The following NLGN1 variants were observed in gnomAD, a reference collection of about 807,000 sequenced individuals.
NLGN1 encodes the protein neuroligin-1.
Under a neutral mutation model 65.5 loss-of-function variants are expected in NLGN1, and 12 were observed. The observed-to-expected ratio is 0.18, with a 90% CI of 0.12 to 0.30. The LOEUF (loss-of-function observed/expected upper bound fraction) is 0.30. Among genes scored for constraint, NLGN1 ranks in the 10% least tolerant of loss-of-function variants. The pLI, the probability that NLGN1 is intolerant of heterozygous loss-of-function variation, is 1.00. For synonymous variants in NLGN1, 350 were observed against 359.5 expected (o/e 0.97, Z 0.30); for missense variants, 750 against 1,007.1 (o/e 0.74, Z 3.46).
chr3:173,910,714 G>T (rs995391118), intron 4 of NLGN1: 1 of 152,110 alleles, frequency 6.6e-6, no homozygotes, highest in Non-Finnish European at 1.5e-5. Flanking sequence ...GAGGAAAAGA[G>T]AAACAAAATT....
intron 4 of NLGN1, among the ~76,000 whole-genome samples, chr3:174,082,007 T>G (rs1742338619): frequency 6.6e-6 from 1 of 152,224 alleles, no homozygotes; most frequent in African/African-American, 2.4e-5. Context: ...GATTCCAATG[T>G]GAGCCATTTA....
chr3:173,616,918 A>G (rs923360578), intron 3 of NLGN1, among the ~76,000 whole-genome samples: 8 of 152,222 alleles, frequency 5.3e-5, no homozygotes, highest in African/African-American at 1.4e-4. Flanking sequence ...ACTCCCTACT[A>G]TCGCCTAGAA....
chr3:173,925,013 G>A (rs1742759081), intron 4 of NLGN1, among the ~76,000 whole-genome samples: 1 of 151,856 alleles, frequency 6.6e-6, no homozygotes, highest in African/African-American at 2.4e-5. Flanking sequence ...ATTTTCTTTG[G>A]CATCTTGATA....
intron 4 of NLGN1, among the ~76,000 whole-genome samples, chr3:173,989,306 C>G (rs149084721): frequency 6.6e-6 from 1 of 152,264 alleles, no homozygotes; most frequent in African/African-American, 2.4e-5. Flanking sequence ...TAATCCTTAG[C>G]TAAGAGACCT....
At chr3:174,146,616 G>A (rs1723327247) in intron 4 of NLGN1, among the ~76,000 whole-genome samples, 1 of 150,336 alleles carries the variant, frequency 6.7e-6, no homozygotes, top group African/African-American at 2.5e-5. Context: ...TGCCCAGGCT[G>A]GAGTTCAGTG....
chr3:174,218,977 G>A (rs1738145545), intron 4 of NLGN1, among the ~76,000 whole-genome samples: 1 of 152,120 alleles, frequency 6.6e-6, no homozygotes, highest in South Asian at 2.1e-4. Context: ...TGTTCAGCTG[G>A]TGATTCATTA....
intron 3 of NLGN1, among the ~76,000 whole-genome samples, chr3:173,691,186 C>A (rs986852052): frequency 6.6e-6 from 1 of 152,074 alleles, no homozygotes; most frequent in East Asian, 1.9e-4. Context: ...TTTGCTCATG[C>A]TGTTTTCCCA....
rs1719095541 is a variant in NLGN1, at chr3:173,982,979, A to G, written c.646+175147A>G. Among the ~76,000 whole-genome samples, 4 of 152,200 alleles carry G rather than the reference A, an allele frequency of 2.6e-5. No individual in the cohort carries two copies. The South Asian group carries it at 8.3e-4, about 32-fold the overall frequency. On this transcript the variant is annotated intron_variant, in intron 4 of 6. Coordinates refer to ENST00000457714, the Ensembl canonical transcript of NLGN1. Reference sequence around the variant, plus strand: ...AAAGATCATAGATAGAATGAGTATGATAGAGTTCCACATTTTTTCTCATAA... The same window carrying G: ...AAAGATCATAGATAGAATGAGTATGGTAGAGTTCCACATTTTTTCTCATAA...
intron 1 of NLGN1, among the ~76,000 whole-genome samples, chr3:173,426,565 T>C (rs1577398107): frequency 6.6e-6 from 1 of 152,158 alleles, no homozygotes; most frequent in South Asian, 2.1e-4. Context: ...CAAATGCTTT[T>C]TCTGCATTCA....
chr3:173,975,703 C>A (rs963909921), intron 4 of NLGN1, among the ~76,000 whole-genome samples: 1 of 151,812 alleles, frequency 6.6e-6, no homozygotes, highest in Non-Finnish European at 1.5e-5. Flanking sequence ...TTACTCAGAC[C>A]AAGAATGCCC....
At chr3:173,869,939 A>G (rs1170300444) in intron 4 of NLGN1, among the ~76,000 whole-genome samples, 1 of 152,168 alleles carries the variant, frequency 6.6e-6, no homozygotes, top group Non-Finnish European at 1.5e-5. Flanking sequence ...TTGAGCACAC[A>G]TTTGAAAGAA....
At chr3:174,126,078 CTG>C (rs774978861) in intron 4 of NLGN1, among the ~76,000 whole-genome samples, 1 of 152,072 alleles carries the variant, frequency 6.6e-6, no homozygotes, top group African/African-American at 2.4e-5. Context: ...GGAGGCAAAT[CTG>C]TGTTCACCCG....
intron 1 of NLGN1, among the ~76,000 whole-genome samples, chr3:173,419,217 G>A (rs560495326): frequency 6.6e-6 from 1 of 150,990 alleles, no homozygotes; most frequent in Non-Finnish European, 1.5e-5. Context: ...TACAGACAAA[G>A]TACATGAGTA....
chr3:173,449,885 C>T (rs1378971175), intron 2 of NLGN1, among the ~76,000 whole-genome samples: 1 of 151,970 alleles, frequency 6.6e-6, no homozygotes, highest in African/African-American at 2.4e-5. Flanking sequence ...GGATTGCAAC[C>T]CCTGCCTTTT....
chr3:174,189,134 T>A (rs914636851), intron 4 of NLGN1, among the ~76,000 whole-genome samples: 4 of 152,040 alleles, frequency 2.6e-5, no homozygotes, highest in African/African-American at 9.7e-5. Context: ...TGTTTGAACC[T>A]TTGGACCATT....
intron 4 of NLGN1, among the ~76,000 whole-genome samples, chr3:174,193,887 T>C (rs1732862174): frequency 6.6e-6 from 1 of 152,170 alleles, no homozygotes; most frequent in Non-Finnish European, 1.5e-5. Context: ...TTGTAAAACA[T>C]TTTCTATTTG....
At position 173,579,857 on chromosome 3, in the gene NLGN1, A is replaced by C. The variant is rs1020987504; in HGVS notation, c.-320-24422A>C. Among the ~76,000 whole-genome samples, 15 of 152,296 alleles carry C rather than the reference A, an allele frequency of 9.8e-5. No individual in the cohort carries two copies. The East Asian group carries it at 2.7e-3, about 27-fold the overall frequency. ...AGGTTACATCAGGGGAGTTCTGAAG[A>C]TGGTAGAGGATTTTTTTTTCTCCAG... is the stretch of plus-strand genomic sequence containing the variant. On this transcript the variant is annotated intron_variant, in intron 2 of 6. Transcript: ENST00000457714.
At chr3:173,565,379 C>T (rs1021848797) in intron 2 of NLGN1, among the ~76,000 whole-genome samples, 43 of 152,056 alleles carry the variant, frequency 2.8e-4, no homozygotes, top group East Asian at 1.3e-3. Context: ...CAGAAGTGAC[C>T]GGGATTTGGA....
Position 173,409,269 on chromosome 3 carries a change from T to C in NLGN1, c.-390+10782T>C, listed in dbSNP as rs185903476. Among the ~76,000 whole-genome samples, 120 of 152,350 alleles carry C rather than the reference T, an allele frequency of 7.9e-4. 1 individual carries two copies. The highest frequency in any genetic ancestry group is 3.9e-4 in the East Asian group (2 of 5,190). On this transcript the variant is annotated intron_variant, in intron 1 of 6. Coordinates refer to ENST00000457714, the Ensembl canonical transcript of NLGN1. ...CAAAACTGCCATATGTATACATATA[T>C]ATCAATATGTAAATGTGTATCTATC...
Sources: allele counts gnomAD v4.1 joint callset (sites outside exome capture counted in the v4.1 genomes callset), GRCh38; gene constraint gnomAD v4.1.1; transcripts MANE v1.5; gene names NCBI Gene and HGNC (gene_info 2026-07-23, HGNC 2026-07-21).